SGTA: variants seen among roughly 807,000 people sequenced by gnomAD.
SGTA encodes the protein small glutamine rich tetratricopeptide repeat co-chaperone alpha.
In SGTA, 22 loss-of-function variants were observed where a neutral mutation model predicts 44.3. That is an observed-to-expected ratio of 0.50 (90% CI 0.36 to 0.71). The LOEUF (loss-of-function observed/expected upper bound fraction) is 0.71, where lower values mean the gene tolerates loss of function less well. Ranked by LOEUF, SGTA falls within the 30% of genes least tolerant of loss-of-function variation. The pLI is 0.00. For synonymous variants in SGTA, 174 were observed against 177.6 expected (o/e 0.98, Z 0.16); for missense variants, 341 against 435.9 (o/e 0.78, Z 1.94).
At position 2,762,486 on chromosome 19, in the gene SGTA, C is replaced by T. The variant is rs1166048668; in HGVS notation, c.636+20G>A. The T allele has an allele frequency of 6.2e-7, 1 of 1,613,100 alleles. No homozygotes were observed. On this transcript the variant is annotated intron_variant, in intron 7 of 11. Transcript: ENST00000221566. ...CAGTCAGCTCGGCGTTCTGGAGCCA[C>T]TCGCCCCCGCTGCACTCACGGGGCT...
chr19:2,759,727 G>A (rs543956998), intron 8 of SGTA, among the ~76,000 whole-genome samples: 98 of 152,298 alleles, frequency 6.4e-4, no homozygotes, highest in African/African-American at 2.2e-3. Context: ...TTAGGAGGCC[G>A]AGGCAGGCAG....
intron 1 of SGTA, among the ~76,000 whole-genome samples, chr19:2,769,600 ATT>A (rs147630991): frequency 0.02 from 2,987 of 152,192 alleles, 120 homozygotes; most frequent in South Asian, 0.14. Context: ...GTCAGCAAGC[ATT>A]TCTTAGGTAC....
chr19:2,764,284 G>A (rs1232424408), intron 5 of SGTA, among the ~76,000 whole-genome samples: 1 of 152,226 alleles, frequency 6.6e-6, no homozygotes, highest in Non-Finnish European at 1.5e-5. Context: ...CTGTAAGCCT[G>A]AAGCAGATCC....
chr19:2,774,747 G>T (rs1257148834), intron 1 of SGTA, among the ~76,000 whole-genome samples: 1 of 152,152 alleles, frequency 6.6e-6, no homozygotes, highest in South Asian at 2.1e-4. Flanking sequence ...CTCCCAAAGC[G>T]CTGGGATCAC....
rs1915052179 is a variant in SGTA at position 2,763,251 on chromosome 19, TGCACGGGGC to T, written c.497+393_497+401del. Among the ~76,000 whole-genome samples the T allele has an allele frequency of 6.6e-6, 1 of 152,220 alleles. No individual in the cohort carries two copies. Among genetic ancestry groups the T allele is most frequent in the African/African-American group, 2.4e-5 (1 of 41,448 alleles). ...CTTATGCTGGGAGGGCGGCACCGGC[TGCACGGGGC>T]GCAGGCTCCTGCCCCGGGGACCCTC... On this transcript the variant is annotated intron_variant, in intron 6 of 11. Coordinates refer to ENST00000221566, the MANE Select transcript of SGTA (RefSeq NM_003021.4). The surrounding 1 kb of genome is among the most constrained non-coding windows in gnomAD (Gnocchi z 5.8).
intron 1 of SGTA, among the ~76,000 whole-genome samples, chr19:2,780,561 A>C (rs1355660574): frequency 6.6e-6 from 1 of 152,056 alleles, no homozygotes; most frequent in South Asian, 2.1e-4. Context: ...TCCCCTGCCC[A>C]ACTCCGCCAG....
At chr19:2,756,052 A>C in intron 11 of SGTA, 119 bp from the exon 12 acceptor site, 4 of 426,760 alleles carry the variant, frequency 9.4e-6, no homozygotes, top group Non-Finnish European at 1.3e-5. Flanking sequence ...CGGCTATTTC[A>C]ACGAACGTCA....
intron 10 of SGTA, 76 bp from the exon 11 acceptor site, chr19:2,757,533 C>G: frequency 6.4e-7 from 1 of 1,551,466 alleles, no homozygotes; most frequent in African/African-American, 1.4e-5. Context: ...CAGCTGACCC[C>G]TCGGGCCCTC....
In SGTA at chr19:2,765,105, C is replaced by T. The variant is rs1915101107; in HGVS notation, c.392+81G>A. On this transcript the variant is annotated intron_variant, in intron 5 of 11. Coordinates refer to ENST00000221566, the MANE Select transcript of SGTA (RefSeq NM_003021.4). This position sits in a 1 kb window ranked among gnomAD's most constrained non-coding sequence, Gnocchi z 5.5. ...TCATCTACAGCGCAGAGGCCTCTCC[C>T]ATCTCAGGTCCCTGCTAAGCATCCC... The T allele has an allele frequency of 2.1e-6, 2 of 942,156 alleles. No homozygotes were observed. 58.4% of individuals were successfully genotyped at this position (942,156 alleles called of 1,614,324 possible).
chr19:2,779,368 G>A (rs1161017036), intron 1 of SGTA, among the ~76,000 whole-genome samples: 1 of 152,126 alleles, frequency 6.6e-6, no homozygotes, highest in Non-Finnish European at 1.5e-5. Flanking sequence ...CCCAAGGTGG[G>A]GGACATCATC....
In SGTA at chr19:2,757,797, G is replaced by A. The variant is rs1221372326; in HGVS notation, c.738-15C>T. ...TGCCGGACATGCTGCAGGAGAGAGC[G>A]CGTGACTCGCAGCCGGGACAGCCTG... On this transcript the variant is annotated splice_polypyrimidine_tract_variant and intron_variant, in intron 9 of 11. Transcript: ENST00000221566. 6.5e-6 allele frequency: 10 copies of A among 1,543,298 alleles called. No homozygotes were observed. The highest frequency in any genetic ancestry group is 7.0e-6 in the Non-Finnish European group (8 of 1,142,706).
chr19:2,766,984 T>C, intron 4 of SGTA, 152 bp downstream of exon 4: 1 of 668,244 alleles, frequency 1.5e-6, no homozygotes. Context: ...CAGTCCCCCT[T>C]CCGTCCCCGT....
intron 4 of SGTA, among the ~76,000 whole-genome samples, chr19:2,766,357 G>A (rs1202448858): frequency 2.0e-5 from 3 of 151,852 alleles, no homozygotes; most frequent in Admixed American, 6.6e-5. Context: ...CCGTGTAGAT[G>A]GGCCATGCTG....
At chr19:2,759,183 T>C in intron 9 of SGTA, 74 bp downstream of exon 9, 2 of 1,384,134 alleles carry the variant, frequency 1.4e-6, no homozygotes, top group African/African-American at 1.4e-5. Context: ...GTTAGTTTTA[T>C]GTTAAGTGAA....
rs940171792 is a variant in SGTA, at chr19:2,763,855, C to T, written c.393-98G>A. ...TGAGAGCTGCGTTCCTCTCCAACTT[C>T]CTGGAGGAACGGCCTCAGTTTTCCC... is the stretch of plus-strand genomic sequence containing the variant. On this transcript the variant is annotated intron_variant, in intron 5 of 11. Transcript: ENST00000221566. The surrounding 1 kb of genome is among the most constrained non-coding windows in gnomAD (Gnocchi z 5.8). 58 of 877,590 alleles carry T rather than the reference C, an allele frequency of 6.6e-5. No individual in the cohort carries two copies. The highest frequency in any genetic ancestry group is 5.5e-4 in the South Asian group (34 of 62,250). The allele number at this position is 877,590 out of a possible 1,614,324, so 54.4% of individuals were successfully genotyped here. A position where few individuals can be genotyped will look rare whatever the true frequency, so the allele number is the denominator to read the frequency against.
chr19:2,756,570 C>T (rs1037740607), intron 11 of SGTA, among the ~76,000 whole-genome samples: 1 of 151,946 alleles, frequency 6.6e-6, no homozygotes, highest in African/African-American at 2.4e-5. Flanking sequence ...GAGGAGGGGA[C>T]AACGACAAAA....
At chr19:2,771,314 C>T (rs992302913) in intron 1 of SGTA, among the ~76,000 whole-genome samples, 2 of 152,122 alleles carry the variant, frequency 1.3e-5, no homozygotes, top group African/African-American at 4.8e-5. Context: ...ATCCCAGCTA[C>T]TCGGGAGGCT....
In SGTA at chr19:2,765,118, T is replaced by C. The variant is rs1915101347; in HGVS notation, c.392+68A>G. On this transcript the variant is annotated intron_variant, in intron 5 of 11. Transcript: ENST00000221566. The surrounding 1 kb of genome is among the most constrained non-coding windows in gnomAD (Gnocchi z 5.5). ...AGAGGCCTCTCCCATCTCAGGTCCCTGCTAAGCATCCCGGAGGACGCCCCC... is the reference window on the plus strand; with the variant it reads ...AGAGGCCTCTCCCATCTCAGGTCCCCGCTAAGCATCCCGGAGGACGCCCCC... 4 of 1,116,092 alleles carry C rather than the reference T, an allele frequency of 3.6e-6. No homozygotes were observed. The Admixed American group carries it at 6.9e-5, about 19-fold the overall frequency. 69.1% of individuals were successfully genotyped at this position (1,116,092 alleles called of 1,614,324 possible).
intron 9 of SGTA, among the ~76,000 whole-genome samples, chr19:2,758,783 T>C (rs1914903579): frequency 6.6e-6 from 1 of 151,876 alleles, no homozygotes; most frequent in Non-Finnish European, 1.5e-5. Flanking sequence ...CCCTCCACAC[T>C]GGAATATTAC....
Sources: gnomAD v4.1 joint callset for allele counts (sites outside exome capture counted in the v4.1 genomes callset) on GRCh38, gnomAD v4.1.1 for gene constraint, Gnocchi (gnomAD v3.1) non-coding constraint, MANE v1.5 for transcripts, NCBI Gene and HGNC (gene_info 2026-07-23, HGNC 2026-07-21) for gene names.